The following NME7 variants were observed in gnomAD, a reference collection of about 807,000 sequenced individuals.
NME7 encodes NME/NM23 family member 7, also known as nucleoside diphosphate kinase 7.
In NME7, 41 loss-of-function variants were observed where a neutral mutation model predicts 49.1. The ratio of observed to expected loss-of-function variants is 0.83; its 90% CI spans 0.65 to 1.08. The LOEUF is 1.08. Among genes scored for constraint, NME7 ranks in the 50% least tolerant of loss-of-function variants. NME7 has a pLI of 0.00. For missense variants in NME7, 423 were observed against 463.4 expected (o/e 0.91, Z 0.80); for synonymous variants, 139 against 150.6 (o/e 0.92, Z 0.56).
chr1:169,252,257 C>T (rs1051890585), intron 7 of NME7, among the ~76,000 whole-genome samples: 5 of 151,622 alleles, frequency 3.3e-5, no homozygotes, highest in Admixed American at 2.6e-4. Flanking sequence ...GCCATTCTAA[C>T]TGGTGTGAGA....
chr1:169,137,760 T>C (rs74410646), intron 11 of NME7, among the ~76,000 whole-genome samples: 1 of 152,216 alleles, frequency 6.6e-6, no homozygotes, highest in East Asian at 1.9e-4. Flanking sequence ...AAAGGAGTGG[T>C]AACTGAAAGA....
intron 7 of NME7, chr1:169,285,488 A>G (rs1295655368): frequency 3.3e-5 from 5 of 152,146 alleles, no homozygotes; most frequent in Admixed American, 6.6e-5. Flanking sequence ...ATCATGTGCC[A>G]TGTGACTTTT....
At chr1:169,265,303 A>G (rs1299664497) in intron 7 of NME7, among the ~76,000 whole-genome samples, 1 of 133,784 alleles carries the variant, frequency 7.5e-6, no homozygotes, top group African/African-American at 2.5e-5. Flanking sequence ...CTGTGCAATT[A>G]AAACAGAAAT....
At chr1:169,342,519 T>C (rs1652754626) in intron 1 of NME7, among the ~76,000 whole-genome samples, 1 of 106,610 alleles carries the variant, frequency 9.4e-6, no homozygotes, top group South Asian at 2.5e-4. Context: ...ATATATATAG[T>C]ATATATATAC....
intron 10 of NME7, among the ~76,000 whole-genome samples, chr1:169,195,452 A>C (rs537693107): frequency 6.6e-6 from 1 of 152,170 alleles, no homozygotes; most frequent in South Asian, 2.1e-4. Flanking sequence ...GCCTCAAGTG[A>C]TCCTCCCATC....
At chr1:169,152,299 C>G (rs1658935672) in intron 11 of NME7, among the ~76,000 whole-genome samples, 1 of 152,162 alleles carries the variant, frequency 6.6e-6, no homozygotes, top group Admixed American at 6.5e-5. Flanking sequence ...ATCACCTAAT[C>G]TATTTCTTGC....
At chr1:169,138,319 TAAATA>T (rs1658490795) in intron 11 of NME7, among the ~76,000 whole-genome samples, 1 of 150,200 alleles carries the variant, frequency 6.7e-6, no homozygotes, top group African/African-American at 2.5e-5. Flanking sequence ...AAAAAATAAA[TAAATA>T]AAAATAAAAA....
intron 10 of NME7, among the ~76,000 whole-genome samples, chr1:169,215,377 G>T (rs974955658): frequency 6.6e-6 from 1 of 152,122 alleles, no homozygotes; most frequent in Non-Finnish European, 1.5e-5. Context: ...ACATTATTCA[G>T]AAAGAACCAA....
intron 10 of NME7, among the ~76,000 whole-genome samples, chr1:169,201,166 G>A (rs950766667): frequency 2.0e-5 from 3 of 152,078 alleles, no homozygotes; most frequent in Admixed American, 1.3e-4. Flanking sequence ...AGGAGGTAGA[G>A]GCTGTAGCAA....
intron 7 of NME7, among the ~76,000 whole-genome samples, chr1:169,243,786 A>G (rs1032984259): frequency 1.1e-4 from 17 of 152,204 alleles, no homozygotes; most frequent in Admixed American, 3.3e-4. Flanking sequence ...CATCCAGTCT[A>G]TGGTATTTAT....
chr1:169,214,851 C>T (rs1660931730), intron 10 of NME7, among the ~76,000 whole-genome samples: 1 of 152,222 alleles, frequency 6.6e-6, no homozygotes, highest in African/African-American at 2.4e-5. Context: ...TGCCAAGACC[C>T]CAGAGGGTGT....
intron 7 of NME7, among the ~76,000 whole-genome samples, chr1:169,243,829 C>T (rs1362985476): frequency 1.3e-5 from 2 of 152,034 alleles, no homozygotes; most frequent in Non-Finnish European, 2.9e-5. Context: ...AAGATAATGC[C>T]TATGAGGAAA....
chr1:169,212,908 T>C (rs1412286399), intron 10 of NME7, among the ~76,000 whole-genome samples: 1 of 152,086 alleles, frequency 6.6e-6, no homozygotes, highest in East Asian at 1.9e-4. Flanking sequence ...GGATTATAGG[T>C]GTGAGCCACT....
At chr1:169,192,824 G>C (rs1261343698) in intron 10 of NME7, among the ~76,000 whole-genome samples, 1 of 152,012 alleles carries the variant, frequency 6.6e-6, no homozygotes, top group Non-Finnish European at 1.5e-5. Flanking sequence ...CCCAAACTGT[G>C]TGTATTTCAT....
intron 10 of NME7, among the ~76,000 whole-genome samples, chr1:169,224,636 C>T (rs1464346010): frequency 6.6e-6 from 1 of 151,932 alleles, no homozygotes; most frequent in Admixed American, 6.6e-5. Context: ...TGGGGGAAAT[C>T]CTGGACTTTT....
chr1:169,149,598 A>G (rs935519499), intron 11 of NME7, among the ~76,000 whole-genome samples: 9 of 152,240 alleles, frequency 5.9e-5, no homozygotes, highest in African/African-American at 2.2e-4. Flanking sequence ...TTAAGGGATC[A>G]AAAACAGTAA....
At position 169,367,779 on chromosome 1, in the gene NME7, A is replaced by C. The variant is rs1236402211; in HGVS notation, c.-69T>G. On this transcript the variant is annotated 5_prime_UTR_variant, in exon 1 of 12. It removes an upstream start codon present in the reference 5' UTR. Coordinates refer to ENST00000367811, the MANE Select transcript of NME7 (RefSeq NM_013330.5). ...GGAAGACACCACCACCACCACCATC[A>C]TACGGTTACTCAGGCAACAAAGCCC... 6.3e-7 allele frequency: 1 copy of C among 1,599,948 alleles called. No homozygotes were observed. The highest frequency in any genetic ancestry group is 8.6e-7 in the Non-Finnish European group (1 of 1,167,788).
intron 11 of NME7, among the ~76,000 whole-genome samples, chr1:169,149,791 G>A (rs1401174002): frequency 6.6e-6 from 1 of 152,150 alleles, no homozygotes; most frequent in Non-Finnish European, 1.5e-5. Flanking sequence ...CTTACGAATT[G>A]CTTACTTCTG....
chr1:169,311,907 C>T (rs1651408576), intron 3 of NME7, among the ~76,000 whole-genome samples: 2 of 152,154 alleles, frequency 1.3e-5, no homozygotes, highest in Non-Finnish European at 1.5e-5. Flanking sequence ...CATGTCTTTG[C>T]TGCTTAATTT....
Sources: allele counts gnomAD v4.1 joint callset (sites outside exome capture counted in the v4.1 genomes callset), GRCh38; gene constraint gnomAD v4.1.1; transcripts MANE v1.5; gene names NCBI Gene and HGNC (gene_info 2026-07-23, HGNC 2026-07-21).